Variants in PACRG observed in about 807,000 individuals in gnomAD.
PACRG encodes the protein parkin coregulated gene protein.
In PACRG, 29 loss-of-function variants were observed where a neutral mutation model predicts 29.7. The observed-to-expected ratio is 0.98, with a 90% CI of 0.73 to 1.33. The LOEUF is 1.33. PACRG is among the 40% of genes most tolerant of loss of function. The pLI, the probability that PACRG is intolerant of heterozygous loss-of-function variation, is 0.00. For missense variants in PACRG, 279 were observed against 316.2 expected (o/e 0.88, Z 0.89); for synonymous variants, 116 against 118.7 (o/e 0.98, Z 0.15).
chr6:163,059,040 C>T (rs1810865338), intron 2 of PACRG, among the ~76,000 whole-genome samples: 1 of 150,988 alleles, frequency 6.6e-6, no homozygotes, highest in African/African-American at 2.4e-5. Flanking sequence ...GATCGCACCA[C>T]TGCCCTCCAG....
At chr6:163,250,883 G>GTATATATATATATATA (rs368878258) in intron 4 of PACRG, among the ~76,000 whole-genome samples, 78 of 138,094 alleles carry the variant, frequency 5.6e-4, no homozygotes, top group African/African-American at 2.1e-3. Flanking sequence ...AGAAATTGTT[G>GTATATATATATATATA]TATATATATA....
intron 4 of PACRG, among the ~76,000 whole-genome samples, chr6:163,205,038 T>C (rs1165881980): frequency 2.6e-5 from 4 of 152,108 alleles, no homozygotes; most frequent in African/African-American, 9.7e-5. Flanking sequence ...GCAGTGAGAA[T>C]TGCAAAAGAC....
At chr6:162,764,681 T>A (rs1782641901) in intron 1 of PACRG, among the ~76,000 whole-genome samples, 1 of 152,184 alleles carries the variant, frequency 6.6e-6, no homozygotes, top group Admixed American at 6.5e-5. Context: ...TCTGAGAATT[T>A]TATATTTAAA....
At chr6:163,141,621 A>T (rs1817155459) in intron 4 of PACRG, among the ~76,000 whole-genome samples, 1 of 152,066 alleles carries the variant, frequency 6.6e-6, no homozygotes, top group African/African-American at 2.4e-5. Context: ...AAAAATGAAA[A>T]ATCCATATTA....
At chr6:162,768,503 C>G (rs1782972307) in intron 1 of PACRG, among the ~76,000 whole-genome samples, 2 of 151,972 alleles carry the variant, frequency 1.3e-5, no homozygotes. Context: ...AAAATCACAG[C>G]CATTTTATTT....
At chr6:162,869,037 T>G (rs989833919) in intron 2 of PACRG, among the ~76,000 whole-genome samples, 1 of 152,180 alleles carries the variant, frequency 6.6e-6, no homozygotes, top group Non-Finnish European at 1.5e-5. Context: ...TGCTCAGAAT[T>G]GCTTCTGTGC....
intron 1 of PACRG, among the ~76,000 whole-genome samples, chr6:162,745,268 G>A (rs1283335952): frequency 1.3e-5 from 2 of 152,008 alleles, no homozygotes; most frequent in Admixed American, 6.6e-5. Flanking sequence ...ATCATCCTCA[G>A]CAAACCAACA....
intron 2 of PACRG, among the ~76,000 whole-genome samples, chr6:162,999,291 G>A (rs1281867893): frequency 6.6e-6 from 1 of 152,202 alleles, no homozygotes; most frequent in Non-Finnish European, 1.5e-5. Context: ...GTTTCAGAAT[G>A]CAAATCCTAG....
chr6:162,733,681 T>G (rs1379944819), intron 1 of PACRG, among the ~76,000 whole-genome samples: 1 of 152,180 alleles, frequency 6.6e-6, no homozygotes, highest in Admixed American at 6.5e-5. Flanking sequence ...GCAACTCTGC[T>G]GGCCCTGCCT....
At chr6:162,854,543 T>G (rs1377662435) in intron 2 of PACRG, among the ~76,000 whole-genome samples, 1 of 152,200 alleles carries the variant, frequency 6.6e-6, no homozygotes, top group African/African-American at 2.4e-5. Flanking sequence ...TTATTATTAT[T>G]TTTTGGTTTG....
chr6:162,811,794 G>A (rs1373638014), intron 1 of PACRG, among the ~76,000 whole-genome samples: 2 of 152,110 alleles, frequency 1.3e-5, no homozygotes, highest in East Asian at 1.9e-4. Flanking sequence ...TGTTGATATA[G>A]GTTGACAACC....
chr6:163,139,439 G>C (rs1475432745), intron 4 of PACRG, among the ~76,000 whole-genome samples: 3 of 150,914 alleles, frequency 2.0e-5, no homozygotes, highest in African/African-American at 7.4e-5. Context: ...TTCTGACCAT[G>C]GGTCAACCTG....
Position 163,180,477 on chromosome 6 carries a change from G to A in PACRG, c.613+91069G>A, listed in dbSNP as rs148647354. On this transcript the variant is annotated intron_variant, in intron 4 of 4. Coordinates refer to ENST00000366888, the MANE Select transcript of PACRG (RefSeq NM_001080379.2). ...GAAAACACTGCTAAAAAGTTTCAAT[G>A]AGGACCAGGTGCAGTGGCTCACACT... Among the ~76,000 whole-genome samples the A allele has an allele frequency of 3.2e-3, 488 of 152,194 alleles. 1 individual carries two copies. The highest frequency in any genetic ancestry group is 0.011 in the African/African-American group (460 of 41,530).
chr6:163,235,375 A>AT (rs1782196621), intron 4 of PACRG, among the ~76,000 whole-genome samples: 1 of 152,196 alleles, frequency 6.6e-6, no homozygotes, highest in Non-Finnish European at 1.5e-5. Flanking sequence ...CAATTTCCCC[A>AT]TTGTACGTAA....
rs1013468478 is a variant in PACRG, at chr6:162,914,514, T to G, written c.291+100233T>G. Among the ~76,000 whole-genome samples, 43 of 146,010 alleles carry G rather than the reference T, an allele frequency of 2.9e-4. No homozygotes were observed. The East Asian group carries it at 3.6e-3, about 12-fold the overall frequency. ...CAAAGTTTTGTACTTTTTTGTTTTT[T>G]TTTTTTTTTTTTTTTTAGTTGTTTG... On this transcript the variant is annotated intron_variant, in intron 2 of 4. Coordinates refer to ENST00000366888, the MANE Select transcript of PACRG (RefSeq NM_001080379.2).
At chr6:162,911,410 A>G (rs1796293610) in intron 2 of PACRG, among the ~76,000 whole-genome samples, 1 of 152,238 alleles carries the variant, frequency 6.6e-6, no homozygotes, top group Non-Finnish European at 1.5e-5. Flanking sequence ...ACCAAAAATA[A>G]ATGCAATGTT....
chr6:163,259,209 G>A (rs1310184593), intron 4 of PACRG, among the ~76,000 whole-genome samples: 3 of 152,148 alleles, frequency 2.0e-5, no homozygotes, highest in Non-Finnish European at 4.4e-5. Context: ...GTGCCACACT[G>A]ACTCAACACC....
At position 162,802,138 on chromosome 6, in the gene PACRG, T is replaced by G. The variant is rs184834560; in HGVS notation, c.157-12009T>G. On this transcript the variant is annotated intron_variant, in intron 1 of 4. Transcript: ENST00000366888. ...TCATATTCTTATTTCAAGTGCAGATTGTGGGTGGTATTTTTATCTCTTCTC... is the reference window on the plus strand; with the variant it reads ...TCATATTCTTATTTCAAGTGCAGATGGTGGGTGGTATTTTTATCTCTTCTC... Among the ~76,000 whole-genome samples, 69 of 152,246 alleles carry G rather than the reference T, an allele frequency of 4.5e-4. 1 individual carries two copies. The highest frequency in any genetic ancestry group is 1.4e-3 in the Admixed American group (22 of 15,298).
At chr6:163,143,937 T>A (rs1777668066) in intron 4 of PACRG, among the ~76,000 whole-genome samples, 1 of 152,188 alleles carries the variant, frequency 6.6e-6, no homozygotes, top group Admixed American at 6.5e-5. Context: ...TAATCTTTTC[T>A]GAAAAGTAGT....
Sources: gnomAD v4.1 joint callset for allele counts (sites outside exome capture counted in the v4.1 genomes callset) on GRCh38, gnomAD v4.1.1 for gene constraint, MANE v1.5 for transcripts, NCBI Gene and HGNC (gene_info 2026-07-23, HGNC 2026-07-21) for gene names.